The following KIAA1217 variants were observed in gnomAD, a reference collection of about 807,000 sequenced individuals.
The protein encoded by KIAA1217 is sickle tail protein homolog.
In KIAA1217, 88 loss-of-function variants were observed where a neutral mutation model predicts 163.9. The ratio of observed to expected loss-of-function variants is 0.54; its 90% confidence interval spans 0.45 to 0.64. The LOEUF is 0.64. Ranked by LOEUF, KIAA1217 falls within the 30% of genes least tolerant of loss-of-function variation. The probability of loss-of-function intolerance (pLI) is 0.00; values close to 1 mark genes in which losing one functional copy is unlikely to be tolerated. For missense variants in KIAA1217, 2,372 were observed against 2,475.0 expected (o/e 0.96, Z 0.88); for synonymous variants, 903 against 923.1 (o/e 0.98, Z 0.39).
chr10:24,395,065 A>G (rs2055535268), intron 3 of KIAA1217, among the ~76,000 whole-genome samples: 1 of 152,176 alleles, frequency 6.6e-6, no homozygotes. Flanking sequence ...AGGGTGAGAC[A>G]TGCCCTCAGA....
intron 5 of KIAA1217, among the ~76,000 whole-genome samples, chr10:24,469,737 G>A (rs1053640712): frequency 3.9e-5 from 6 of 152,134 alleles, no homozygotes; most frequent in Admixed American, 1.3e-4. Flanking sequence ...TCAGCCTCCC[G>A]AGTAGCTAGG....
At chr10:24,161,270 A>G (rs2065107052) in intron 2 of KIAA1217, among the ~76,000 whole-genome samples, 1 of 152,242 alleles carries the variant, frequency 6.6e-6, no homozygotes, top group Admixed American at 6.5e-5. Context: ...TAACACTTCT[A>G]AGACCATCCA....
At chr10:24,455,912 CG>C (rs1440517204) in intron 5 of KIAA1217, among the ~76,000 whole-genome samples, 1 of 152,060 alleles carries the variant, frequency 6.6e-6, no homozygotes, top group Non-Finnish European at 1.5e-5. Flanking sequence ...TTCTGAGACA[CG>C]AGTCTCCCTC....
chr10:24,005,153 T>C lies in KIAA1217; in HGVS notation c.-320-2072T>C, dbSNP rs540463351. Among the ~76,000 whole-genome samples, 6 of 152,318 alleles carry C rather than the reference T, an allele frequency of 3.9e-5. No individual in the cohort carries two copies. The South Asian group carries it at 8.3e-4, about 21-fold the overall frequency. ...CCACTTACAGCGTGATTTTGGACAA[T>C]GTAACTAACCTTTAAAAGTGTTGGC... On this transcript the variant is annotated intron_variant, in intron 1 of 18. Transcript: ENST00000376462.
chr10:23,860,195 T>G (rs1839888039), intron 1 of KIAA1217, among the ~76,000 whole-genome samples: 1 of 152,110 alleles, frequency 6.6e-6, no homozygotes, highest in Admixed American at 6.6e-5. Context: ...TGTGCTGGTC[T>G]TTGTGACTTT....
chr10:23,929,676 G>A (rs1196375461), intron 1 of KIAA1217, among the ~76,000 whole-genome samples: 1 of 152,130 alleles, frequency 6.6e-6, no homozygotes, highest in Non-Finnish European at 1.5e-5. Context: ...TAGTATCCAT[G>A]AGGTATATTT....
intron 2 of KIAA1217, among the ~76,000 whole-genome samples, chr10:24,255,025 T>C (rs2074994466): frequency 6.6e-6 from 1 of 152,136 alleles, no homozygotes; most frequent in Non-Finnish European, 1.5e-5. Flanking sequence ...AGCTAATTTT[T>C]GTATTTTTTA....
intron 1 of KIAA1217, among the ~76,000 whole-genome samples, chr10:23,867,357 T>C (rs1274456148): frequency 1.3e-5 from 2 of 151,826 alleles, no homozygotes; most frequent in African/African-American, 4.8e-5. Flanking sequence ...GTCCTTTGGG[T>C]ATATACCCAG....
Position 24,042,957 on chromosome 10 carries a change from G to A in KIAA1217, c.-171+35583G>A, listed in dbSNP as rs564994922. The stretch of plus-strand genomic sequence containing the variant: ...ATGAATTGTATCTGAAAATACTAAC[G>A]TATGGTTCATTGAAAAGCGTGATAA... On this transcript the variant is annotated intron_variant, in intron 2 of 18. Coordinates refer to the KIAA1217 transcript ENST00000376462. Among the ~76,000 whole-genome samples the A allele has an allele frequency of 1.3e-4, 20 of 152,244 alleles. No individual in the cohort carries two copies. The East Asian group carries it at 1.4e-3, about 10-fold the overall frequency.
At chr10:24,065,257 C>T (rs557389147) in intron 2 of KIAA1217, among the ~76,000 whole-genome samples, 2 of 152,168 alleles carry the variant, frequency 1.3e-5, no homozygotes, top group East Asian at 1.9e-4. Flanking sequence ...TTAGATCTTT[C>T]CTGCTTTCTC....
At chr10:24,300,631 G>A (rs1165610540) in intron 2 of KIAA1217, among the ~76,000 whole-genome samples, 1 of 151,622 alleles carries the variant, frequency 6.6e-6, no homozygotes, top group East Asian at 1.9e-4. Flanking sequence ...GCAGTGGCAC[G>A]ATCTCGACTC....
intron 2 of KIAA1217, among the ~76,000 whole-genome samples, chr10:24,194,977 C>T (rs922843958): frequency 6.6e-6 from 1 of 152,018 alleles, no homozygotes; most frequent in Non-Finnish European, 1.5e-5. Flanking sequence ...AGTCTTATCC[C>T]TCCATGCTCC....
At chr10:23,797,631 C>A (rs1390951412) in intron 1 of KIAA1217, among the ~76,000 whole-genome samples, 1 of 152,084 alleles carries the variant, frequency 6.6e-6, no homozygotes, top group Admixed American at 6.5e-5. Context: ...CACGTTTTCA[C>A]AGGGCAACAG....
chr10:24,141,869 T>A (rs574995942), intron 2 of KIAA1217, among the ~76,000 whole-genome samples: 1 of 151,620 alleles, frequency 6.6e-6, no homozygotes, highest in Non-Finnish European at 1.5e-5. Context: ...TTTCTATTGT[T>A]TTTTTTTAGT....
chr10:24,451,501 G>A (rs1003314931), intron 5 of KIAA1217, among the ~76,000 whole-genome samples: 2 of 152,242 alleles, frequency 1.3e-5, no homozygotes, highest in Admixed American at 6.5e-5. Context: ...GTAATGCAAA[G>A]TAATTACTGC....
intron 2 of KIAA1217, among the ~76,000 whole-genome samples, chr10:24,062,587 C>T (rs1021213138): frequency 2.0e-5 from 3 of 150,726 alleles, no homozygotes; most frequent in Non-Finnish European, 2.9e-5. Context: ...TGAATAGTGC[C>T]GTAATAAACA....
At chr10:24,396,373 G>T (rs891673379) in intron 3 of KIAA1217, among the ~76,000 whole-genome samples, 9 of 152,002 alleles carry the variant, frequency 5.9e-5, no homozygotes, top group Admixed American at 4.6e-4. Flanking sequence ...TGCTCACCAA[G>T]TATCTACCAG....
intron 9 of KIAA1217, among the ~76,000 whole-genome samples, chr10:24,511,093 C>A (rs1302481522): frequency 1.4e-5 from 2 of 139,426 alleles, no homozygotes; most frequent in African/African-American, 2.7e-5. Flanking sequence ...GCGGAGGTTG[C>A]AGTGAGCTGC....
chr10:24,344,754 C>A (rs575253483), intron 2 of KIAA1217, among the ~76,000 whole-genome samples: 1 of 152,206 alleles, frequency 6.6e-6, no homozygotes, highest in Non-Finnish European at 1.5e-5. Context: ...AAGGGAGAGA[C>A]CTTCCTATTT....
Sources: gnomAD v4.1 joint callset for allele counts (sites outside exome capture counted in the v4.1 genomes callset) on GRCh38, gnomAD v4.1.1 for gene constraint, MANE v1.5 for transcripts, NCBI Gene and HGNC (gene_info 2026-07-23, HGNC 2026-07-21) for gene names.